Variants in SIL1 observed in about 807,000 individuals in gnomAD.
The protein encoded by SIL1 is nucleotide exchange factor SIL1.
In SIL1, 40 loss-of-function variants were observed where a neutral mutation model predicts 49.1. The ratio of observed to expected loss-of-function variants is 0.81; its 90% CI spans 0.63 to 1.06. The LOEUF (loss-of-function observed/expected upper bound fraction) is 1.06. SIL1 is among the 50% of genes least tolerant of loss of function. The pLI is 0.00. For synonymous variants in SIL1, 253 were observed against 250.8 expected (o/e 1.01, Z -0.08); for missense variants, 500 against 572.6 (o/e 0.87, Z 1.29).
chr5:139,015,408 A>G (rs905306187), intron 7 of SIL1, among the ~76,000 whole-genome samples: 1 of 152,234 alleles, frequency 6.6e-6, no homozygotes, highest in African/African-American at 2.4e-5. Flanking sequence ...ATATGAATAT[A>G]TGCTCAGTTG....
intron 4 of SIL1, among the ~76,000 whole-genome samples, chr5:139,044,742 C>A (rs889486396): frequency 1.3e-5 from 2 of 152,186 alleles, no homozygotes; most frequent in African/African-American, 4.8e-5. Context: ...CCTGCATCAT[C>A]AATTTCTCCC....
intron 1 of SIL1, among the ~76,000 whole-genome samples, chr5:139,191,062 T>C (rs995706216): frequency 1.3e-5 from 2 of 151,608 alleles, no homozygotes; most frequent in African/African-American, 4.8e-5. Context: ...TAAAACCCCA[T>C]CTCTACTGCA....
chr5:138,976,611 G>A (rs1468778464), intron 7 of SIL1, among the ~76,000 whole-genome samples: 1 of 152,018 alleles, frequency 6.6e-6, no homozygotes, highest in Non-Finnish European at 1.5e-5. Context: ...CACCACGCAG[G>A]CCATTACCTC....
chr5:139,016,696 A>G (rs1768408265), intron 7 of SIL1, among the ~76,000 whole-genome samples: 1 of 152,192 alleles, frequency 6.6e-6, no homozygotes, highest in African/African-American at 2.4e-5. Context: ...TGACTGCCAC[A>G]AAGATGCCAA....
At chr5:139,009,994 A>G (rs1406030022) in intron 7 of SIL1, among the ~76,000 whole-genome samples, 1 of 151,926 alleles carries the variant, frequency 6.6e-6, no homozygotes, top group East Asian at 1.9e-4. Flanking sequence ...TATTTCCTGA[A>G]TCTGAATATT....
intron 1 of SIL1, among the ~76,000 whole-genome samples, chr5:139,182,164 A>T (rs1751995626): frequency 6.6e-6 from 1 of 152,158 alleles, no homozygotes; most frequent in Non-Finnish European, 1.5e-5. Flanking sequence ...CAGCCTCAAC[A>T]CGCTGCTCTC....
At chr5:139,020,212 T>C (rs1317705496) in intron 7 of SIL1, among the ~76,000 whole-genome samples, 1 of 152,196 alleles carries the variant, frequency 6.6e-6, no homozygotes, top group East Asian at 1.9e-4. Context: ...CCTCTCCTCA[T>C]GGAACAACTC....
chr5:138,952,532 C>T (rs1335485594), intron 7 of SIL1, among the ~76,000 whole-genome samples: 2 of 152,252 alleles, frequency 1.3e-5, no homozygotes, highest in Non-Finnish European at 2.9e-5. Context: ...AGCTTCTCTG[C>T]CCTGTATTCT....
At chr5:139,149,295 C>A (rs1338075591) in intron 1 of SIL1, among the ~76,000 whole-genome samples, 1 of 152,136 alleles carries the variant, frequency 6.6e-6, no homozygotes, top group African/African-American at 2.4e-5. Flanking sequence ...AGGACAGCTA[C>A]CAAAAGAGCA....
intron 3 of SIL1, among the ~76,000 whole-genome samples, chr5:139,090,197 C>T (rs1770312082): frequency 6.6e-6 from 1 of 152,168 alleles, no homozygotes; most frequent in Non-Finnish European, 1.5e-5. Context: ...GCACATGACA[C>T]AGGAGGCCAG....
chr5:139,162,910 G>C (rs1033426886), intron 1 of SIL1, among the ~76,000 whole-genome samples: 8 of 152,154 alleles, frequency 5.3e-5, no homozygotes, highest in African/African-American at 1.7e-4. Flanking sequence ...CTTTATACCA[G>C]ATAAAAGGAA....
At chr5:139,156,253 T>C (rs1432896958) in intron 1 of SIL1, among the ~76,000 whole-genome samples, 7 of 152,200 alleles carry the variant, frequency 4.6e-5, no homozygotes, top group Non-Finnish European at 8.8e-5. Context: ...TACAGAATAT[T>C]TGATAATCAT....
chr5:138,980,674 CAGCTCAGTGT>C (rs1168001975), intron 7 of SIL1, among the ~76,000 whole-genome samples: 1 of 152,156 alleles, frequency 6.6e-6, no homozygotes, highest in African/African-American at 2.4e-5. Flanking sequence ...TATTCATGAA[CAGCTCAGTGT>C]ATGAAAAGCA....
intron 7 of SIL1, among the ~76,000 whole-genome samples, chr5:138,995,853 G>A (rs1767859479): frequency 6.6e-6 from 1 of 152,210 alleles, no homozygotes; most frequent in Admixed American, 6.5e-5. Context: ...TTAACATAAT[G>A]ACCTCCAATT....
chr5:139,167,739 T>TC, intron 1 of SIL1, among the ~76,000 whole-genome samples: 1 of 152,320 alleles, frequency 6.6e-6, no homozygotes, highest in East Asian at 1.9e-4. Flanking sequence ...TACAGTAACA[T>TC]CCTAGGCTTT....
At chr5:139,105,292 G>C (rs1218675708) in intron 3 of SIL1, among the ~76,000 whole-genome samples, 1 of 152,194 alleles carries the variant, frequency 6.6e-6, no homozygotes, top group Non-Finnish European at 1.5e-5. Context: ...CAAATTACAA[G>C]GGGTCCATTC....
intron 3 of SIL1, among the ~76,000 whole-genome samples, chr5:139,119,059 C>A (rs1750549304): frequency 6.6e-6 from 1 of 152,232 alleles, no homozygotes; most frequent in Admixed American, 6.5e-5. Context: ...GCCTTTGGGA[C>A]AACTCCAAGG....
intron 1 of SIL1, among the ~76,000 whole-genome samples, chr5:139,188,424 GT>G (rs983762926): frequency 6.6e-6 from 1 of 152,008 alleles, no homozygotes. Flanking sequence ...CAAATAGTGA[GT>G]TTTTTTTACC....
chr5:138,948,632 C>T lies in SIL1; in HGVS notation c.1030-1159G>A, dbSNP rs1363035691. Among the ~76,000 whole-genome samples, 1 of 66 alleles carries T rather than the reference C, an allele frequency of 0.015. No individual in the cohort carries two copies. Among genetic ancestry groups the T allele is most frequent in the Non-Finnish European group, 0.025 (1 of 40 alleles). The allele number at this position is 66 out of a possible 152,430, so 0.0% of individuals were successfully genotyped here. A position where few individuals can be genotyped will look rare whatever the true frequency, so the allele number is the denominator to read the frequency against. On this transcript the variant is annotated intron_variant, in intron 9 of 9. Coordinates refer to ENST00000394817, the MANE Select transcript of SIL1 (RefSeq NM_022464.5). This position sits in a 1 kb window ranked among gnomAD's most constrained non-coding sequence, Gnocchi z 4.8. ...GCAGCTCCGACTTCCAGGTGCACCC[C>T]CGCATTGGCCCCATTCACTCCACGG...
Sources: allele counts gnomAD v4.1 joint callset (sites outside exome capture counted in the v4.1 genomes callset), GRCh38; gene constraint gnomAD v4.1.1; non-coding constraint Gnocchi (gnomAD v3.1); transcripts MANE v1.5; gene names NCBI Gene and HGNC (gene_info 2026-07-23, HGNC 2026-07-21).